The following EDA variants were observed in gnomAD, a reference collection of about 807,000 sequenced individuals.
EDA encodes ectodysplasin-A.
EDA carries 2 observed loss-of-function variants against 23.6 expected under a neutral mutation model. The ratio of observed to expected loss-of-function variants is 0.08; its 90% CI spans 0.03 to 0.27. The LOEUF (loss-of-function observed/expected upper bound fraction) is 0.27. Ranked by LOEUF, EDA falls within the 10% of genes least tolerant of loss-of-function variation. The pLI, the probability that EDA is intolerant of heterozygous loss-of-function variation, is 1.00. For missense variants in EDA, 229 were observed against 324.2 expected, an observed-to-expected ratio of 0.71 and a Z score of 2.26; for synonymous variants, 131 against 132.0, an observed-to-expected ratio of 0.99 and a Z score of 0.05.
chrX:69,957,211 G>T, intron 2 of EDA, 79 bp downstream of exon 2: 1 of 959,979 alleles, frequency 1.0e-6, no homozygotes, highest in Non-Finnish European at 1.5e-6. Context: ...TACCTTCTTG[G>T]TAGGGCATGG....
chrX:69,799,567 AAAG>A (rs1346568511), intron 1 of EDA, among the ~76,000 whole-genome samples: 1 of 110,861 alleles, frequency 9.0e-6, no homozygotes, highest in Non-Finnish European at 1.9e-5. Flanking sequence ...ACATTTCTCA[AAAG>A]AAGACATGTA....
chrX:69,889,585 C>G (rs1650407269), intron 1 of EDA, among the ~76,000 whole-genome samples: 1 of 111,910 alleles, frequency 8.9e-6, no homozygotes, highest in Non-Finnish European at 1.9e-5. Context: ...TGTATATCTT[C>G]TTTGGAGAAA....
At chrX:69,988,401 T>G (rs2019536155) in intron 2 of EDA, among the ~76,000 whole-genome samples, 1 of 112,027 alleles carries the variant, frequency 8.9e-6, no homozygotes, top group South Asian at 3.8e-4. Context: ...CAAAAGAGTA[T>G]AAGTGGATTG....
At chrX:69,684,789 G>A (rs953689931) in intron 1 of EDA, among the ~76,000 whole-genome samples, 36 of 112,418 alleles carry the variant, frequency 3.2e-4, no homozygotes, top group African/African-American at 1.1e-3. Flanking sequence ...GCTCAATCAT[G>A]TTAGTGTTTA....
intron 2 of EDA, among the ~76,000 whole-genome samples, chrX:69,978,517 A>ATAAAAT (rs1396559872): frequency 6.8e-5 from 7 of 103,281 alleles, no homozygotes; most frequent in East Asian, 6.7e-4. Flanking sequence ...AAAAAAAAAA[A>ATAAAAT]AAAGAAAGAA....
intron 1 of EDA, among the ~76,000 whole-genome samples, chrX:69,922,275 A>G (rs1437075624): frequency 2.7e-5 from 3 of 112,260 alleles, no homozygotes; most frequent in African/African-American, 9.7e-5. Flanking sequence ...ATTTGTGTGC[A>G]GATTTTTGTG....
At chrX:69,720,067 C>G (rs757024651) in intron 1 of EDA, among the ~76,000 whole-genome samples, 5 of 111,752 alleles carry the variant, frequency 4.5e-5, no homozygotes, top group Non-Finnish European at 9.4e-5. Context: ...TCTTTATCTA[C>G]TCACCCACTG....
At chrX:69,745,589 C>T (rs953166146) in intron 1 of EDA, among the ~76,000 whole-genome samples, 3 of 111,752 alleles carry the variant, frequency 2.7e-5, no homozygotes, top group African/African-American at 9.8e-5. Context: ...AAAAAGAGAC[C>T]CTGCAAATAA....
intron 1 of EDA, among the ~76,000 whole-genome samples, chrX:69,909,362 T>G: frequency 8.9e-6 from 1 of 112,360 alleles, no homozygotes; most frequent in Non-Finnish European, 1.9e-5. Flanking sequence ...AGGAGCTTGA[T>G]CTCATCTCAG....
chrX:69,761,032 G>A (rs780037231), intron 1 of EDA, among the ~76,000 whole-genome samples: 3 of 111,023 alleles, frequency 2.7e-5, no homozygotes, highest in Non-Finnish European at 5.7e-5. Flanking sequence ...GCTCAAATGA[G>A]TTGCGGGGGA....
chrX:69,960,691 AT>A (rs1417133661), intron 2 of EDA, among the ~76,000 whole-genome samples: 1 of 110,717 alleles, frequency 9.0e-6, no homozygotes, highest in Non-Finnish European at 1.9e-5. Flanking sequence ...TTGATTATAA[AT>A]TCACAAATTA....
At chrX:69,798,983 T>G (rs936991829) in intron 1 of EDA, among the ~76,000 whole-genome samples, 1 of 111,425 alleles carries the variant, frequency 9.0e-6, no homozygotes, top group Non-Finnish European at 1.9e-5. Context: ...AACAACATGG[T>G]ACTGGCATTA....
intron 2 of EDA, among the ~76,000 whole-genome samples, chrX:69,992,018 C>T (rs1338923775): frequency 8.9e-6 from 1 of 112,198 alleles, no homozygotes; most frequent in African/African-American, 3.2e-5. Flanking sequence ...AAGATTGGGT[C>T]CCCTGCCACT....
At chrX:69,830,401 C>T (rs1232855090) in intron 1 of EDA, among the ~76,000 whole-genome samples, 1 of 111,316 alleles carries the variant, frequency 9.0e-6, no homozygotes, top group Non-Finnish European at 1.9e-5. Context: ...TGCCAGAATA[C>T]TGGCTACTGC....
intron 1 of EDA, chrX:69,729,136 C>G (rs1462645231): frequency 9.0e-6 from 1 of 111,142 alleles, no homozygotes; most frequent in African/African-American, 3.3e-5. Context: ...CTCCTTTTCA[C>G]TTTTAGCTCC....
At chrX:69,893,637 A>G (rs1287815823) in intron 1 of EDA, among the ~76,000 whole-genome samples, 1 of 112,746 alleles carries the variant, frequency 8.9e-6, no homozygotes, top group East Asian at 2.8e-4. Flanking sequence ...AGTTTCCTCT[A>G]GCTCTATCAC....
chrX:69,675,173 G>T (rs1178776686), intron 1 of EDA, among the ~76,000 whole-genome samples: 2 of 110,799 alleles, frequency 1.8e-5, no homozygotes, highest in Non-Finnish European at 3.8e-5. Context: ...TAGAGATGAG[G>T]TGTTGCTGTA....
intron 1 of EDA, among the ~76,000 whole-genome samples, chrX:69,821,305 C>A (rs1169481800): frequency 2.7e-5 from 3 of 109,589 alleles, no homozygotes; most frequent in Non-Finnish European, 5.7e-5. Context: ...GACTCAATAC[C>A]TGGGTTATGG....
chrX:69,887,168 C>T (rs1008330159), intron 1 of EDA, among the ~76,000 whole-genome samples: 7 of 111,110 alleles, frequency 6.3e-5, no homozygotes, highest in African/African-American at 2.3e-4. Flanking sequence ...ATTAACTGGA[C>T]ATGTTGGAGT....
Sources: gnomAD v4.1 joint callset for allele counts (sites outside exome capture counted in the v4.1 genomes callset) on GRCh38, gnomAD v4.1.1 for gene constraint, MANE v1.5 for transcripts, NCBI Gene and HGNC (gene_info 2026-07-23, HGNC 2026-07-21) for gene names.